Variants in SH2D4A observed in about 807,000 individuals in gnomAD.
SH2D4A encodes SH2 domain containing 4A.
SH2D4A carries 70 observed loss-of-function variants against 64.7 expected under a neutral mutation model. That is an observed-to-expected ratio of 1.08 (90% CI 0.89 to 1.32). The LOEUF is 1.32. Ranked by LOEUF, SH2D4A falls within the 40% of genes most tolerant of loss-of-function variation. The pLI is 0.00. For synonymous variants in SH2D4A, 268 were observed against 200.7 expected (o/e 1.34, Z -2.83); for missense variants, 706 against 540.1 (o/e 1.31, Z -3.04).
intron 5 of SH2D4A, among the ~76,000 whole-genome samples, chr8:19,359,154 A>T (rs1294378146): frequency 6.6e-6 from 1 of 152,214 alleles, no homozygotes; most frequent in Non-Finnish European, 1.5e-5. Flanking sequence ...GCTTTCTTGA[A>T]TAAATACGGT....
intron 8 of SH2D4A, among the ~76,000 whole-genome samples, chr8:19,387,415 T>C (rs1305317116): frequency 2.0e-5 from 3 of 151,914 alleles, no homozygotes. Flanking sequence ...GTTTTTGTTG[T>C]TCTTTGTAGA....
At chr8:19,383,589 C>T (rs183980894) in intron 8 of SH2D4A, among the ~76,000 whole-genome samples, 5 of 152,038 alleles carry the variant, frequency 3.3e-5, no homozygotes, top group Middle Eastern at 3.4e-3. Flanking sequence ...TGTAATAATG[C>T]GGTAACTCTG....
At chr8:19,389,791 A>C (rs1482214065) in intron 8 of SH2D4A, among the ~76,000 whole-genome samples, 3 of 152,166 alleles carry the variant, frequency 2.0e-5, no homozygotes, top group Admixed American at 6.5e-5. Context: ...TTGCAGTCCC[A>C]GGTACCCAGG....
intron 7 of SH2D4A, among the ~76,000 whole-genome samples, chr8:19,373,024 G>A (rs1228301986): frequency 6.6e-6 from 1 of 151,900 alleles, no homozygotes; most frequent in East Asian, 1.9e-4. Flanking sequence ...AAATGTGCTG[G>A]GGTAAAAGTG....
At chr8:19,334,336 A>G (rs1036074159) in intron 3 of SH2D4A, among the ~76,000 whole-genome samples, 1 of 151,062 alleles carries the variant, frequency 6.6e-6, no homozygotes, top group African/African-American at 2.5e-5. Context: ...GAATTATTTA[A>G]TCATCGATTG....
intron 7 of SH2D4A, among the ~76,000 whole-genome samples, chr8:19,365,122 A>T (rs1359776326): frequency 6.6e-6 from 1 of 152,222 alleles, no homozygotes; most frequent in Non-Finnish European, 1.5e-5. Context: ...CTTCTCTAAG[A>T]TTATGGAGAA....
chr8:19,389,584 A>G (rs2053451287), intron 8 of SH2D4A, among the ~76,000 whole-genome samples: 1 of 152,064 alleles, frequency 6.6e-6, no homozygotes, highest in Non-Finnish European at 1.5e-5. Context: ...TGCCCATCAG[A>G]CCTCACGCAG....
chr8:19,363,257 A>G (rs2052924893), intron 6 of SH2D4A, among the ~76,000 whole-genome samples: 1 of 151,886 alleles, frequency 6.6e-6, no homozygotes, highest in African/African-American at 2.4e-5. Flanking sequence ...TTGTATTTGT[A>G]GTAGAGTTGG....
At chr8:19,354,561 A>C (rs2052759337) in intron 4 of SH2D4A, among the ~76,000 whole-genome samples, 1 of 152,206 alleles carries the variant, frequency 6.6e-6, no homozygotes, top group Non-Finnish European at 1.5e-5. Context: ...ATGCAAAGGC[A>C]GTGAGCATGC....
intron 4 of SH2D4A, among the ~76,000 whole-genome samples, chr8:19,348,625 T>C (rs115796870): frequency 0.038 from 5,765 of 152,274 alleles, 170 homozygotes; most frequent in South Asian, 0.097. Context: ...GTTACTGAGA[T>C]CAGAAGACGT....
chr8:19,375,602 A>G (rs1215207428), intron 8 of SH2D4A: 1 of 152,264 alleles, frequency 6.6e-6, no homozygotes, highest in Non-Finnish European at 1.5e-5. Context: ...TGGCTGGGCT[A>G]TCAATGGAGA....
intron 4 of SH2D4A, among the ~76,000 whole-genome samples, chr8:19,347,894 A>G (rs1304505486): frequency 2.0e-5 from 3 of 152,170 alleles, no homozygotes; most frequent in African/African-American, 4.8e-5. Flanking sequence ...ACACAGGCAA[A>G]CACATGCCAC....
intron 4 of SH2D4A, among the ~76,000 whole-genome samples, chr8:19,351,510 G>T (rs549760355): frequency 1.3e-5 from 2 of 152,200 alleles, no homozygotes; most frequent in South Asian, 4.1e-4. Context: ...GGCTGAGGCA[G>T]GAGAATGGCG....
At chr8:19,319,293 T>G in intron 1 of SH2D4A, 51 bp from the exon 2 acceptor site, 2 of 1,155,626 alleles carry the variant, frequency 1.7e-6, no homozygotes, top group Non-Finnish European at 2.1e-6. Flanking sequence ...TCCTAGCCAG[T>G]GTCCACACAT....
intron 8 of SH2D4A, among the ~76,000 whole-genome samples, chr8:19,385,771 T>C (rs937691623): frequency 6.6e-6 from 1 of 152,138 alleles, no homozygotes; most frequent in African/African-American, 2.4e-5. Flanking sequence ...CATGGAGGCT[T>C]CCCAAAATTT....
intron 1 of SH2D4A, among the ~76,000 whole-genome samples, chr8:19,316,151 C>G (rs1199393119): frequency 6.6e-6 from 1 of 152,154 alleles, no homozygotes; most frequent in African/African-American, 2.4e-5. Flanking sequence ...TACCATTCAG[C>G]AGTGGCAGAA....
At position 19,396,184 on chromosome 8, in the gene SH2D4A, A is replaced by C. The variant is rs769523301; in HGVS notation, c.*1542A>C. 2.0e-5 allele frequency: 3 copies of C among 152,104 alleles called. No individual in the cohort carries two copies. Among genetic ancestry groups the C allele is most frequent in the Non-Finnish European group, 4.4e-5 (3 of 68,030 alleles). 9.4% of individuals were successfully genotyped at this position (152,104 alleles called of 1,614,324 possible). A position where few individuals can be genotyped will look rare whatever the true frequency, so the allele number is the denominator to read the frequency against. On this transcript the variant is annotated 3_prime_UTR_variant, in exon 10 of 10. Transcript: ENST00000265807. ...TAACTGTGTAGGTCAATACTCTTTT[A>C]CATTGCCTTCTAATAAAAGCAGAAT...
At position 19,364,608 on chromosome 8, in the gene SH2D4A, C is replaced by T. The variant is rs1563203002; in HGVS notation, c.917+326C>T. Among the ~76,000 whole-genome samples the T allele has an allele frequency of 2.0e-5, 3 of 151,408 alleles. No homozygotes were observed. The South Asian group carries it at 6.3e-4, about 32-fold the overall frequency. ...CCGCCCCCCTCCCCCCCAGAGGCAG[C>T]CGGTGAGCCAGTGAGGGGAGAAGAG... On this transcript the variant is annotated intron_variant, in intron 7 of 9. Coordinates refer to ENST00000265807, the MANE Select transcript of SH2D4A (RefSeq NM_022071.4).
chr8:19,314,419 G>T (rs1194317263), intron 1 of SH2D4A, among the ~76,000 whole-genome samples: 1 of 152,134 alleles, frequency 6.6e-6, no homozygotes. Flanking sequence ...GCGCGCGGAG[G>T]CCAGTGCAGC....
Sources: allele counts gnomAD v4.1 joint callset (sites outside exome capture counted in the v4.1 genomes callset), GRCh38; gene constraint gnomAD v4.1.1; transcripts MANE v1.5; gene names NCBI Gene and HGNC (gene_info 2026-07-23, HGNC 2026-07-21).